PTCH1: variants seen among roughly 807,000 people sequenced by gnomAD.
PTCH1 encodes the protein protein patched homolog 1.
Under a neutral mutation model 144.6 loss-of-function variants are expected in PTCH1, and 14 were observed. The ratio of observed to expected loss-of-function variants is 0.10; its 90% confidence interval spans 0.06 to 0.15. The LOEUF (loss-of-function observed/expected upper bound fraction) is 0.15. PTCH1 is among the 10% of genes least tolerant of loss of function. PTCH1 has a pLI of 1.00. For synonymous variants in PTCH1, 833 were observed against 793.6 expected, an observed-to-expected ratio of 1.05 and a Z score of -0.83; for missense variants, 1,623 against 1,948.3, an observed-to-expected ratio of 0.83 and a Z score of 3.14.
rs1840263823 is a variant in PTCH1 at position 95,468,699 on chromosome 9, G to T, written c.2250+52C>A. 1.9e-6 allele frequency: 3 copies of T among 1,598,428 alleles called. No homozygotes were observed. The Admixed American group carries it at 5.0e-5, about 27-fold the overall frequency. On this transcript the variant is annotated intron_variant, in intron 14 of 23. Transcript: ENST00000331920. ...TAGAAGCAATCTGATGAACTCCAAA[G>T]GTTCTGTTATTTTTTTGAAGACAGG...
At chr9:95,501,352 A>G (rs1843137662) in intron 2 of PTCH1, among the ~76,000 whole-genome samples, 1 of 152,054 alleles carries the variant, frequency 6.6e-6, no homozygotes, top group Non-Finnish European at 1.5e-5. Context: ...ATCCAGCCCC[A>G]ATGTCAATAG....
At position 95,461,839 on chromosome 9, in the gene PTCH1, C is replaced by T. The variant is rs1839499329; in HGVS notation, c.2703+17G>A. The T allele has an allele frequency of 1.2e-6, 2 of 1,614,002 alleles. No homozygotes were observed. The highest frequency in any genetic ancestry group is 1.7e-6 in the Non-Finnish European group (2 of 1,179,984). On this transcript the variant is annotated intron_variant, in intron 16 of 23. Coordinates refer to ENST00000331920, the MANE Select transcript of PTCH1 (RefSeq NM_000264.5). ...CGCAGCCCTGGAAGCGCCCTCAGTG[C>T]CCAGCAGCTGGAGTACCTGGCTGAT...
intron 2 of PTCH1, among the ~76,000 whole-genome samples, chr9:95,499,921 C>T (rs1843036580): frequency 6.6e-6 from 1 of 151,806 alleles, no homozygotes; most frequent in Admixed American, 6.6e-5. Context: ...TCCCCTACCC[C>T]AATACAAGCA....
Position 95,443,749 on chromosome 9 carries a change from T to C in PTCH1, c.*2644A>G, listed in dbSNP as rs773680534. ...AAGACTTGATGACTACTATGTACAC[T>C]ACAAAAATAAATCTTCATATAAATA... is the stretch of plus-strand genomic sequence containing the variant. On this transcript the variant is annotated 3_prime_UTR_variant, in exon 24 of 24. Coordinates refer to ENST00000331920, the MANE Select transcript of PTCH1 (RefSeq NM_000264.5). 6.6e-6 allele frequency: 1 copy of C among 152,656 alleles called. No homozygotes were observed. The highest frequency in any genetic ancestry group is 1.5e-5 in the Non-Finnish European group (1 of 68,042). The allele number at this position is 152,656 out of a possible 1,614,324, so 9.5% of individuals were successfully genotyped here. A position where few individuals can be genotyped will look rare whatever the true frequency, so the allele number is the denominator to read the frequency against.
At chr9:95,503,421 C>G (rs1843290931) in intron 2 of PTCH1, 1 of 152,232 alleles carries the variant, frequency 6.6e-6, no homozygotes, top group Non-Finnish European at 1.5e-5. Flanking sequence ...AACAAGATCT[C>G]TACACAATCA....
intron 18 of PTCH1, among the ~76,000 whole-genome samples, chr9:95,456,959 T>TG (rs1197832858): frequency 6.6e-6 from 1 of 152,096 alleles, no homozygotes; most frequent in Non-Finnish European, 1.5e-5. Flanking sequence ...AAAGATGATG[T>TG]GGGGGCCAGG....
chr9:95,491,911 C>T (rs1471875052), intron 2 of PTCH1, among the ~76,000 whole-genome samples: 1 of 152,200 alleles, frequency 6.6e-6, no homozygotes, highest in Non-Finnish European at 1.5e-5. Flanking sequence ...TATAGCAGAC[C>T]TGGTAAAAAT....
At chr9:95,494,417 C>T (rs530963798) in intron 2 of PTCH1, 1 of 985,532 alleles carries the variant, frequency 1.0e-6, no homozygotes, top group Non-Finnish European at 1.2e-6. Context: ...TTACTTGCCA[C>T]ACTGGCAAAT....
chr9:95,507,790 A>C, intron 1 of PTCH1: 5 of 349,240 alleles, frequency 1.4e-5, no homozygotes, highest in East Asian at 1.1e-4. Flanking sequence ...CGCAGGAGGA[A>C]GAAGTTCAGG....
At chr9:95,484,824 G>C (rs1171721157) in intron 3 of PTCH1, among the ~76,000 whole-genome samples, 1 of 152,174 alleles carries the variant, frequency 6.6e-6, no homozygotes, top group African/African-American at 2.4e-5. Flanking sequence ...ATAAGAAAAA[G>C]GACCGAGTTT....
At position 95,482,038 on chromosome 9, in the gene PTCH1, T is replaced by G. The variant is rs1425544626; in HGVS notation, c.657A>C (p.Ile219=). ...LITETGYMDQ[I]IEYLYPCLII... is the part of the protein sequence containing the mutation. ...TCAAACAAGGGTAAAGATATTCTAT[T>G]ATCTGTCAAAGTTAAAAAGAAGAGG... Residue 219 remains isoleucine (I), a splice_region_variant and synonymous_variant, in exon 5 of 24, where the codon ATA becomes ATC. Coordinates refer to ENST00000331920, the MANE Select transcript of PTCH1 (RefSeq NM_000264.5). 6.2e-7 allele frequency: 1 copy of G among 1,613,628 alleles called. No homozygotes were observed. Among genetic ancestry groups the G allele is most frequent in the Admixed American group, 1.7e-5 (1 of 60,028 alleles).
In PTCH1 at chr9:95,508,198, T is replaced by A. The variant is rs1205081001; in HGVS notation, c.164A>T (p.Tyr55Phe). ...CTCCAGAGCGAAGGCGGCGTCGCAGTAGCTGGGCCGGTGCAGATAGTCCCG... is the reference window on the plus strand; with the variant it reads ...CTCCAGAGCGAAGGCGGCGTCGCAGAAGCTGGGCCGGTGCAGATAGTCCCG... ...PDRDYLHRPSYCDAAFALEQI... is the reference protein window; with the variant it reads ...PDRDYLHRPSFCDAAFALEQI... Residue 55 changes from tyrosine (Y) to phenylalanine (F), a missense_variant, in exon 1 of 24, where the codon TAC becomes TTC. Tyr to Phe is a conservative substitution (Grantham distance 22). This residue lies in a region of PTCH1 where 245 missense variants were observed against 240.6 expected (regional missense o/e 1.02). Transcript: ENST00000331920. The A allele has an allele frequency of 8.1e-6, 13 of 1,612,428 alleles. No individual in the cohort carries two copies. The highest frequency in any genetic ancestry group is 1.0e-5 in the Non-Finnish European group (12 of 1,179,672).
intron 2 of PTCH1, among the ~76,000 whole-genome samples, chr9:95,487,382 T>G (rs944900962): frequency 6.6e-6 from 1 of 152,240 alleles, no homozygotes; most frequent in Non-Finnish European, 1.5e-5. Flanking sequence ...TTGCCATCAA[T>G]GTGAAGTTAA....
upstream of PTCH1, among the ~76,000 whole-genome samples, chr9:95,513,157 A>G (rs1844230888): frequency 6.6e-6 from 1 of 152,208 alleles, no homozygotes; most frequent in African/African-American, 2.4e-5. Flanking sequence ...TTGTGTTGGG[A>G]TGTTCCAATG....
intron 2 of PTCH1, among the ~76,000 whole-genome samples, chr9:95,504,128 A>G (rs1382459205): frequency 2.0e-5 from 3 of 149,478 alleles, no homozygotes; most frequent in African/African-American, 7.3e-5. Context: ...TGCCTGGTAC[A>G]TGGCAGTTGC....
At chr9:95,468,006 A>C (rs778812686) in intron 14 of PTCH1, among the ~76,000 whole-genome samples, 2 of 152,180 alleles carry the variant, frequency 1.3e-5, no homozygotes, top group Non-Finnish European at 2.9e-5. Context: ...TCCTGGGCTC[A>C]AATGATCCTC....
At chr9:95,462,032 C>G (rs758276055) in intron 15 of PTCH1, 34 bp from the exon 16 acceptor site, 1 of 1,614,078 alleles carries the variant, frequency 6.2e-7, no homozygotes, top group Non-Finnish European at 8.5e-7. Context: ...CACATTATAA[C>G]TCGCAGCCAG....
At chr9:95,460,586 G>A (rs917791373) in intron 16 of PTCH1, among the ~76,000 whole-genome samples, 2 of 152,184 alleles carry the variant, frequency 1.3e-5, no homozygotes, top group African/African-American at 2.4e-5. Context: ...CCTAGAGAAG[G>A]AGTGAAGGAA....
chr9:95,464,838 A>G (rs1839854657), intron 15 of PTCH1, among the ~76,000 whole-genome samples: 1 of 152,234 alleles, frequency 6.6e-6, no homozygotes, highest in East Asian at 1.9e-4. Context: ...TGACTCAAGG[A>G]TAATTGTTTC....
Sources: allele counts gnomAD v4.1 joint callset (sites outside exome capture counted in the v4.1 genomes callset), GRCh38; gene constraint gnomAD v4.1.1; regional missense constraint gnomAD v4.1.1; transcripts MANE v1.5; gene names NCBI Gene and HGNC (gene_info 2026-07-23, HGNC 2026-07-21).